The following COL19A1 variants were observed in gnomAD, a reference collection of about 807,000 sequenced individuals.
COL19A1 encodes collagen type XIX alpha 1 chain.
A neutral mutation model predicts 190.2 loss-of-function variants in COL19A1; 159 were observed. The observed-to-expected ratio is 0.84, with a 90% CI of 0.73 to 0.95. The LOEUF (loss-of-function observed/expected upper bound fraction) is 0.95. Among genes scored for constraint, COL19A1 ranks in the 40% least tolerant of loss-of-function variants. The probability of loss-of-function intolerance (pLI) is 0.00; values close to 1 mark genes in which losing one functional copy is unlikely to be tolerated. For synonymous variants in COL19A1, 509 were observed against 458.9 expected, an observed-to-expected ratio of 1.11 and a Z score of -1.39; for missense variants, 1,418 against 1,431.9, an observed-to-expected ratio of 0.99 and a Z score of 0.16.
intron 4 of COL19A1, among the ~76,000 whole-genome samples, chr6:69,922,383 AT>A (rs1042804540): frequency 1.3e-5 from 2 of 149,840 alleles, no homozygotes; most frequent in East Asian, 1.9e-4. Context: ...TAATACTCTT[AT>A]TTTTTTGTCA....
At chr6:70,122,339 C>T (rs181560563) in intron 17 of COL19A1, among the ~76,000 whole-genome samples, 1 of 152,188 alleles carries the variant, frequency 6.6e-6, no homozygotes, top group East Asian at 1.9e-4. Flanking sequence ...AAATCTCAAG[C>T]AAATATTTGC....
At position 70,207,353 on chromosome 6, in the gene COL19A1, T is replaced by C; in HGVS notation, c.*79T>C. ...TCTTAATACCGTCAAACCCTCATCA[T>C]CTGTGGGTTGCTTTTTTTTTTTTTT... On this transcript the variant is annotated 3_prime_UTR_variant, in exon 51 of 51. Transcript: ENST00000620364. 2 of 900,042 alleles carry C rather than the reference T, an allele frequency of 2.2e-6. No homozygotes were observed. The highest frequency in any genetic ancestry group is 3.0e-6 in the Non-Finnish European group (2 of 669,552). The allele number at this position is 900,042 out of a possible 1,614,324, so 55.8% of individuals were successfully genotyped here.
chr6:70,112,055 T>C (rs1487074074), intron 16 of COL19A1, among the ~76,000 whole-genome samples: 2 of 152,196 alleles, frequency 1.3e-5, no homozygotes, highest in East Asian at 3.8e-4. Flanking sequence ...AGAATGAATG[T>C]TATCACCTAA....
chr6:69,873,545 C>G (rs1767962081), intron 1 of COL19A1, among the ~76,000 whole-genome samples: 1 of 152,230 alleles, frequency 6.6e-6, no homozygotes, highest in African/African-American at 2.4e-5. Context: ...TACATTCTAA[C>G]TTGACATGGA....
At chr6:69,977,427 G>C (rs989548002) in intron 11 of COL19A1, among the ~76,000 whole-genome samples, 1 of 136,422 alleles carries the variant, frequency 7.3e-6, no homozygotes, top group Non-Finnish European at 1.6e-5. Context: ...GTGGGGGGAG[G>C]GGGGAGGGGG....
chr6:69,997,024 T>TAGAG (rs1341007883), intron 11 of COL19A1, among the ~76,000 whole-genome samples: 1 of 143,786 alleles, frequency 7.0e-6, no homozygotes, highest in South Asian at 2.2e-4. Flanking sequence ...CATATATATA[T>TAGAG]ATAGAGAGAG....
At chr6:70,051,276 G>C (rs1350418524) in intron 14 of COL19A1, among the ~76,000 whole-genome samples, 1 of 152,126 alleles carries the variant, frequency 6.6e-6, no homozygotes, top group Non-Finnish European at 1.5e-5. Context: ...AGACTTACCA[G>C]TGTCAAGAAC....
intron 11 of COL19A1, chr6:69,974,282 C>T (rs554070298): frequency 6.6e-6 from 1 of 152,246 alleles, no homozygotes; most frequent in African/African-American, 2.4e-5. Context: ...AAACTCAAGG[C>T]AAAATGGTAA....
intron 1 of COL19A1, among the ~76,000 whole-genome samples, chr6:69,869,623 T>G (rs1412042198): frequency 6.6e-6 from 1 of 152,200 alleles, no homozygotes; most frequent in African/African-American, 2.4e-5. Context: ...AAGATGATAT[T>G]GGATCATTGA....
chr6:70,180,876 T>A (rs1158138052), intron 44 of COL19A1, among the ~76,000 whole-genome samples: 1 of 152,242 alleles, frequency 6.6e-6, no homozygotes, highest in Non-Finnish European at 1.5e-5. Flanking sequence ...AATACCTGTA[T>A]GTTAAACCAA....
intron 48 of COL19A1, among the ~76,000 whole-genome samples, chr6:70,193,253 C>T (rs1766992866): frequency 6.6e-6 from 1 of 152,190 alleles, no homozygotes; most frequent in South Asian, 2.1e-4. Context: ...CCGTCCTGCC[C>T]ACTCCCAGGC....
chr6:69,976,966 C>T (rs1775745717), intron 11 of COL19A1, among the ~76,000 whole-genome samples: 1 of 152,124 alleles, frequency 6.6e-6, no homozygotes, highest in African/African-American at 2.4e-5. Context: ...AGCCGCCAGA[C>T]AAAGGATTAG....
chr6:69,891,729 A>C (rs1185571217), intron 2 of COL19A1, among the ~76,000 whole-genome samples: 2 of 152,174 alleles, frequency 1.3e-5, no homozygotes, highest in Non-Finnish European at 2.9e-5. Flanking sequence ...CCAAACTGTC[A>C]GTAGCTTTGG....
intron 2 of COL19A1, among the ~76,000 whole-genome samples, chr6:69,894,428 G>A (rs1298204772): frequency 1.3e-5 from 2 of 152,176 alleles, no homozygotes; most frequent in African/African-American, 4.8e-5. Context: ...CCTTGCATCT[G>A]ATCTGCAGTT....
intron 14 of COL19A1, among the ~76,000 whole-genome samples, chr6:70,058,314 T>C (rs751090153): frequency 2.0e-4 from 31 of 152,066 alleles, no homozygotes; most frequent in Admixed American, 1.4e-3. Flanking sequence ...AAGCACTATG[T>C]GTAACCTCTA....
At chr6:70,193,362 A>AAAG (rs1766999030) in intron 48 of COL19A1, among the ~76,000 whole-genome samples, 1 of 152,148 alleles carries the variant, frequency 6.6e-6, no homozygotes, top group Non-Finnish European at 1.5e-5. Context: ...GGCTCACCAG[A>AAAG]CTTCTGCTTT....
chr6:69,927,415 G>A (rs78730050), intron 4 of COL19A1, among the ~76,000 whole-genome samples: 13,028 of 152,086 alleles, frequency 0.086, 656 homozygotes, highest in East Asian at 0.2. Flanking sequence ...GAAAAATAAA[G>A]CTAAAATATC....
intron 10 of COL19A1, 151 bp from the exon 11 acceptor site, chr6:69,962,675 T>C (rs1357644052): frequency 9.4e-6 from 4 of 425,790 alleles, no homozygotes; most frequent in African/African-American, 8.3e-5. Context: ...TTAAATCTTA[T>C]GTAACAATAT....
intron 11 of COL19A1, among the ~76,000 whole-genome samples, chr6:69,990,601 T>G (rs1776562950): frequency 6.6e-6 from 1 of 152,024 alleles, no homozygotes; most frequent in Non-Finnish European, 1.5e-5. Flanking sequence ...TGAAGAATCT[T>G]CCATAGCCTG....
Sources: gnomAD v4.1 joint callset for allele counts (sites outside exome capture counted in the v4.1 genomes callset) on GRCh38, gnomAD v4.1.1 for gene constraint, MANE v1.5 for transcripts, NCBI Gene and HGNC (gene_info 2026-07-23, HGNC 2026-07-21) for gene names.